The following MACROD2 variants were observed in gnomAD, a reference collection of about 807,000 sequenced individuals.
The protein encoded by MACROD2 is mono-ADP ribosylhydrolase 2, also known as ADP-ribose glycohydrolase MACROD2.
In MACROD2, 36 loss-of-function variants were observed where a neutral mutation model predicts 70.4. That is an observed-to-expected ratio of 0.51 (90% CI 0.39 to 0.68). MACROD2 has a LOEUF of 0.68. Ranked by LOEUF, MACROD2 falls within the 30% of genes least tolerant of loss-of-function variation. The probability of loss-of-function intolerance (pLI) is 0.00; values close to 1 mark genes in which losing one functional copy is unlikely to be tolerated. For synonymous variants in MACROD2, 172 were observed against 178.8 expected (o/e 0.96, Z 0.30); for missense variants, 496 against 538.4 (o/e 0.92, Z 0.78).
intron 6 of MACROD2, among the ~76,000 whole-genome samples, chr20:15,261,791 G>A (rs2077251582): frequency 6.6e-6 from 1 of 151,976 alleles, no homozygotes; most frequent in East Asian, 1.9e-4. Context: ...TGCAAATATA[G>A]CCACTTAGCT....
chr20:14,072,923 GA>G (rs2053867184), intron 2 of MACROD2, among the ~76,000 whole-genome samples: 2 of 143,372 alleles, frequency 1.4e-5, no homozygotes, highest in Admixed American at 1.4e-4. Context: ...GACAGAGCGA[GA>G]CTCCGTCTAG....
intron 7 of MACROD2, among the ~76,000 whole-genome samples, chr20:15,481,321 C>T (rs2047094328): frequency 6.6e-6 from 1 of 152,152 alleles, no homozygotes; most frequent in South Asian, 2.1e-4. Flanking sequence ...TGGTTCAGTA[C>T]CCATCACTCT....
chr20:14,974,438 T>G (rs969423926), intron 5 of MACROD2, among the ~76,000 whole-genome samples: 1 of 152,160 alleles, frequency 6.6e-6, no homozygotes, highest in Admixed American at 6.5e-5. Flanking sequence ...GAATTGGATA[T>G]TCAAGAAGTG....
chr20:15,283,221 A>C (rs1165267048), intron 6 of MACROD2, among the ~76,000 whole-genome samples: 2 of 152,216 alleles, frequency 1.3e-5, no homozygotes, highest in Non-Finnish European at 2.9e-5. Flanking sequence ...AAACCATATC[A>C]GCCCCAGACC....
intron 4 of MACROD2, among the ~76,000 whole-genome samples, chr20:14,568,645 A>T (rs1423396764): frequency 6.6e-6 from 1 of 152,072 alleles, no homozygotes; most frequent in Non-Finnish European, 1.5e-5. Context: ...AAAAATTATT[A>T]TATGGGTTTG....
chr20:15,888,124 G>A (rs2147214282), intron 10 of MACROD2, among the ~76,000 whole-genome samples: 1 of 152,132 alleles, frequency 6.6e-6, no homozygotes, highest in African/African-American at 2.4e-5. Context: ...CAAATTAACT[G>A]CTTAAAACTC....
chr20:14,941,896 A>G (rs2074393180), intron 5 of MACROD2, among the ~76,000 whole-genome samples: 1 of 148,912 alleles, frequency 6.7e-6, no homozygotes, highest in African/African-American at 2.5e-5. Context: ...CAATCCTTCC[A>G]TCTCAGCCTC....
intron 5 of MACROD2, among the ~76,000 whole-genome samples, chr20:15,100,771 C>T (rs2075866155): frequency 6.6e-6 from 1 of 152,132 alleles, no homozygotes; most frequent in South Asian, 2.1e-4. Context: ...AATGCTGACT[C>T]ATTAGCTGGG....
At chr20:14,034,102 G>C (rs1448270308) in intron 2 of MACROD2, among the ~76,000 whole-genome samples, 1 of 152,140 alleles carries the variant, frequency 6.6e-6, no homozygotes, top group Non-Finnish European at 1.5e-5. Flanking sequence ...CTCCCGACTA[G>C]TTGGGACTAC....
intron 8 of MACROD2, among the ~76,000 whole-genome samples, chr20:15,818,820 C>G (rs1568578244): frequency 6.6e-6 from 1 of 152,128 alleles, no homozygotes; most frequent in Non-Finnish European, 1.5e-5. Context: ...TGACCACGCT[C>G]TAATGATAGC....
At chr20:15,249,673 A>G (rs1360378236) in intron 6 of MACROD2, among the ~76,000 whole-genome samples, 2 of 152,260 alleles carry the variant, frequency 1.3e-5, no homozygotes, top group African/African-American at 4.8e-5. Context: ...AAGGCAGTCT[A>G]CAGTTTCAAA....
At chr20:14,055,454 G>A (rs1043128630) in intron 2 of MACROD2, among the ~76,000 whole-genome samples, 14 of 140,160 alleles carry the variant, frequency 1.0e-4, no homozygotes, top group African/African-American at 3.7e-4. Flanking sequence ...TCTTCCATTA[G>A]TTATTCTTAT....
chr20:14,376,682 T>G (rs1383146797), intron 3 of MACROD2, among the ~76,000 whole-genome samples: 5 of 151,468 alleles, frequency 3.3e-5, no homozygotes, highest in Admixed American at 2.0e-4. Context: ...CCTGGGAGAT[T>G]GATGCTGCAA....
At chr20:15,184,613 A>G (rs1286362380) in intron 5 of MACROD2, among the ~76,000 whole-genome samples, 1 of 152,200 alleles carries the variant, frequency 6.6e-6, no homozygotes, top group African/African-American at 2.4e-5. Flanking sequence ...ATAAAGGATA[A>G]CGTGGAATAT....
chr20:15,039,874 C>T (rs144944795), intron 5 of MACROD2, among the ~76,000 whole-genome samples: 1 of 152,160 alleles, frequency 6.6e-6, no homozygotes, highest in East Asian at 1.9e-4. Context: ...TTATCAGAAC[C>T]TAGTTGTTGT....
At chr20:14,590,098 A>G (rs553755839) in intron 4 of MACROD2, among the ~76,000 whole-genome samples, 3 of 152,136 alleles carry the variant, frequency 2.0e-5, no homozygotes, top group African/African-American at 7.2e-5. Context: ...TTAATAATCT[A>G]TATCTTTTGG....
intron 5 of MACROD2, among the ~76,000 whole-genome samples, chr20:14,864,116 C>A (rs971309840): frequency 3.3e-5 from 5 of 152,000 alleles, no homozygotes; most frequent in African/African-American, 1.2e-4. Context: ...ATGTGTCCTG[C>A]AAAATTTAAA....
rs535731723 is a variant in MACROD2 at position 14,830,502 on chromosome 20, C to G, written c.418+145543C>G. On this transcript the variant is annotated intron_variant, in intron 5 of 17. Transcript: ENST00000684519. ...TTACTTATTGGAAAGAGTATGTTAA[C>G]ATAATTTTGTTTCTATTTCATTTTC... is the stretch of plus-strand genomic sequence containing the variant. Among the ~76,000 whole-genome samples, 10 of 152,144 alleles carry G rather than the reference C, an allele frequency of 6.6e-5. No individual in the cohort carries two copies. The South Asian group carries it at 1.9e-3, about 28-fold the overall frequency.
chr20:14,468,693 G>A (rs527678359), intron 3 of MACROD2, among the ~76,000 whole-genome samples: 9 of 152,028 alleles, frequency 5.9e-5, no homozygotes, highest in Non-Finnish European at 1.3e-4. Flanking sequence ...CGTATTTTTA[G>A]TAGAGTTGGG....
Sources: gnomAD v4.1 joint callset for allele counts (sites outside exome capture counted in the v4.1 genomes callset) on GRCh38, gnomAD v4.1.1 for gene constraint, MANE v1.5 for transcripts, NCBI Gene and HGNC (gene_info 2026-07-23, HGNC 2026-07-21) for gene names.